Variants in GDPD1 observed in about 807,000 individuals in gnomAD.
GDPD1 encodes lysophospholipase D GDPD1.
Under a neutral mutation model 45.1 loss-of-function variants are expected in GDPD1, and 28 were observed. The observed-to-expected ratio is 0.62, with a 90% CI of 0.46 to 0.85. GDPD1 has a LOEUF of 0.85. GDPD1 is among the 40% of genes least tolerant of loss of function. The pLI is 0.00. For synonymous variants in GDPD1, 139 were observed against 131.4 expected (o/e 1.06, Z -0.40); for missense variants, 256 against 364.8 (o/e 0.70, Z 2.43).
rs2047341262 is a variant in GDPD1 at position 59,259,926 on chromosome 17, T to A, written c.576+2086T>A. ...AAATACAAAAACTGGCTAGGCATGG[T>A]GGCACATGCCTGTAGTCTCAGCTAC... On this transcript the variant is annotated intron_variant, in intron 6 of 9. Coordinates refer to ENST00000284116, the MANE Select transcript of GDPD1 (RefSeq NM_182569.4). Among the ~76,000 whole-genome samples, 4 of 150,364 alleles carry A rather than the reference T, an allele frequency of 2.7e-5. No individual in the cohort carries two copies. In the South Asian group the frequency reaches 8.4e-4, roughly 32 times the overall value.
chr17:59,245,652 A>ATCAGT, intron 3 of GDPD1, 103 bp downstream of exon 3: 3 of 828,412 alleles, frequency 3.6e-6, no homozygotes, highest in Non-Finnish European at 5.5e-6. Flanking sequence ...ATATTATTTA[A>ATCAGT]ATACTGATTA....
intron 2 of GDPD1, among the ~76,000 whole-genome samples, chr17:59,244,540 C>T (rs1481117970): frequency 1.3e-5 from 2 of 152,072 alleles, no homozygotes; most frequent in Non-Finnish European, 2.9e-5. Flanking sequence ...ACCTTGTCGG[C>T]CAGGCTAGTC....
intron 8 of GDPD1, among the ~76,000 whole-genome samples, chr17:59,271,904 G>C (rs1167360200): frequency 1.3e-5 from 2 of 151,876 alleles, no homozygotes; most frequent in Non-Finnish European, 2.9e-5. Flanking sequence ...CAAAGTGCTG[G>C]GATTACAGGT....
intron 1 of GDPD1, among the ~76,000 whole-genome samples, chr17:59,222,505 C>CTTTTTTGTTTTTTTT (rs2047013546): frequency 2.4e-5 from 1 of 41,754 alleles, no homozygotes; most frequent in Non-Finnish European, 4.6e-5. Flanking sequence ...AGTGCCCAGC[C>CTTTTTTGTTTTTTTT]TTTTTTTTTT....
rs141937406 is a variant in GDPD1, at chr17:59,230,103, G to A, written c.143-4389G>A. 3.3e-3 allele frequency among the ~76,000 whole-genome samples: 504 copies of A among 152,226 alleles called. 1 individual carries two copies. The highest frequency in any genetic ancestry group is 0.011 in the African/African-American group (477 of 41,544). On this transcript the variant is annotated intron_variant, in intron 1 of 9. Transcript: ENST00000284116. The stretch of plus-strand genomic sequence containing the variant: ...TTTATGTTTATCTATAGCACAGAAA[G>A]TCAAGGTGTTATAGAAACTGAACAC...
chr17:59,252,035 A>G (rs1246968304), intron 4 of GDPD1, among the ~76,000 whole-genome samples: 4 of 149,732 alleles, frequency 2.7e-5, no homozygotes, highest in African/African-American at 7.4e-5. Flanking sequence ...AAAACAAGAA[A>G]CTTGACTCAG....
chr17:59,253,437 C>T (rs915964386), intron 4 of GDPD1, among the ~76,000 whole-genome samples: 9 of 152,130 alleles, frequency 5.9e-5, no homozygotes, highest in African/African-American at 2.2e-4. Flanking sequence ...TTCCTGGCCT[C>T]AAGCAATCTT....
intron 1 of GDPD1, among the ~76,000 whole-genome samples, chr17:59,229,371 C>G (rs1006725638): frequency 6.0e-5 from 9 of 151,080 alleles, no homozygotes; most frequent in Middle Eastern, 3.4e-3. Flanking sequence ...ATTACAGGCA[C>G]CTGCCACCAT....
intron 6 of GDPD1, among the ~76,000 whole-genome samples, chr17:59,261,490 T>TA (rs1555724813): frequency 6.6e-6 from 1 of 151,228 alleles, no homozygotes; most frequent in African/African-American, 2.4e-5. Flanking sequence ...AATGATTTAT[T>TA]TTATTATTAT....
intron 6 of GDPD1, among the ~76,000 whole-genome samples, chr17:59,261,592 G>A (rs2147899840): frequency 6.6e-6 from 1 of 151,656 alleles, no homozygotes. Flanking sequence ...GACTTCCTGG[G>A]TTCAGATGGT....
chr17:59,254,137 G>T (rs576591105), intron 4 of GDPD1, among the ~76,000 whole-genome samples: 1 of 151,468 alleles, frequency 6.6e-6, no homozygotes, highest in Non-Finnish European at 1.5e-5. Context: ...TGAGACAGGC[G>T]GATCACCTGA....
intron 4 of GDPD1, among the ~76,000 whole-genome samples, chr17:59,255,835 A>ATATATATATACACG (rs1568346899): frequency 1.2e-5 from 1 of 84,690 alleles, no homozygotes; most frequent in African/African-American, 7.9e-5. Context: ...ATACGCGTAT[A>ATATATATATACACG]TATATATATA....
intron 2 of GDPD1, among the ~76,000 whole-genome samples, chr17:59,237,392 C>T (rs945938898): frequency 1.3e-5 from 2 of 152,012 alleles, no homozygotes; most frequent in East Asian, 3.9e-4. Context: ...CAGAGCCAGA[C>T]CTTGTCTCAA....
chr17:59,271,794 T>C (rs2047446492), intron 8 of GDPD1, among the ~76,000 whole-genome samples: 1 of 151,698 alleles, frequency 6.6e-6, no homozygotes, highest in South Asian at 2.1e-4. Flanking sequence ...CCACCATGCC[T>C]GGTTAGTTTT....
intron 4 of GDPD1, among the ~76,000 whole-genome samples, chr17:59,251,475 C>T (rs1488812606): frequency 1.3e-5 from 2 of 150,506 alleles, no homozygotes; most frequent in African/African-American, 2.5e-5. Flanking sequence ...GCTGAGATCA[C>T]GCCATTGTAC....
chr17:59,268,439 C>T (rs566724522), intron 7 of GDPD1, among the ~76,000 whole-genome samples: 2 of 151,554 alleles, frequency 1.3e-5, no homozygotes, highest in Non-Finnish European at 2.9e-5. Context: ...ATTCTCCGGG[C>T]GTGGTGGCGG....
chr17:59,259,293 C>A (rs1240898338), intron 6 of GDPD1, among the ~76,000 whole-genome samples: 1 of 151,684 alleles, frequency 6.6e-6, no homozygotes, highest in Non-Finnish European at 1.5e-5. Context: ...AGAGGCCGGG[C>A]GCGGTGGCTC....
chr17:59,221,704 G>A (rs2047006474), intron 1 of GDPD1, among the ~76,000 whole-genome samples: 1 of 152,082 alleles, frequency 6.6e-6, no homozygotes. Context: ...TGTATAAAGT[G>A]CGGTGAAATT....
chr17:59,271,262 TCTAG>T (rs1235306322), intron 8 of GDPD1, among the ~76,000 whole-genome samples: 2 of 152,220 alleles, frequency 1.3e-5, no homozygotes, highest in Non-Finnish European at 2.9e-5. Context: ...CTTGGGGTTA[TCTAG>T]CTAGTTAGTA....
Sources: gnomAD v4.1 joint callset for allele counts (sites outside exome capture counted in the v4.1 genomes callset) on GRCh38, gnomAD v4.1.1 for gene constraint, MANE v1.5 for transcripts, NCBI Gene and HGNC (gene_info 2026-07-23, HGNC 2026-07-21) for gene names.